PRIM2: variants seen among roughly 807,000 people sequenced by gnomAD.
PRIM2 encodes the protein DNA primase subunit 2, also known as DNA primase large subunit.
In PRIM2, 39 loss-of-function variants were observed where a neutral mutation model predicts 67.3. The observed-to-expected ratio is 0.58, with a 90% CI of 0.45 to 0.76. The LOEUF (loss-of-function observed/expected upper bound fraction) is 0.76, where lower values mean the gene tolerates loss of function less well. Among genes scored for constraint, PRIM2 ranks in the 30% least tolerant of loss-of-function variants. The pLI, the probability that PRIM2 is intolerant of heterozygous loss-of-function variation, is 0.00. For synonymous variants in PRIM2, 143 were observed against 198.7 expected, an observed-to-expected ratio of 0.72 and a Z score of 2.36; for missense variants, 398 against 598.7, an observed-to-expected ratio of 0.66 and a Z score of 3.50.
At chr6:57,438,960 C>A (rs761261960) in intron 7 of PRIM2, among the ~76,000 whole-genome samples, 4 of 152,000 alleles carry the variant, frequency 2.6e-5, no homozygotes, top group African/African-American at 9.7e-5. Flanking sequence ...CTGCTCACCT[C>A]GGCCTCCCAA....
the PRIM2 span, among the ~76,000 whole-genome samples, chr6:57,237,171 A>T: frequency 0.011 from 1,721 of 151,972 alleles, 36 homozygotes; most frequent in African/African-American, 0.039. Flanking sequence ...GCCAGTGATG[A>T]TGAGCATTTT....
At chr6:57,399,193 C>T (rs1357033742) in intron 7 of PRIM2, among the ~76,000 whole-genome samples, 1 of 152,066 alleles carries the variant, frequency 6.6e-6, no homozygotes, top group East Asian at 1.9e-4. Context: ...CTCCTCCATC[C>T]CCTGACCCCA....
At chr6:57,543,729 T>TA (rs1775227190) in intron 10 of PRIM2, among the ~76,000 whole-genome samples, 1 of 152,206 alleles carries the variant, frequency 6.6e-6, no homozygotes, top group South Asian at 2.1e-4. Context: ...CATCTTTACT[T>TA]ACCTGTGCCT....
At chr6:57,548,090 AC>A (rs1394930896) in intron 10 of PRIM2, among the ~76,000 whole-genome samples, 1 of 152,136 alleles carries the variant, frequency 6.6e-6, no homozygotes, top group Non-Finnish European at 1.5e-5. Context: ...TTTAACTACT[AC>A]CCTGTCATAG....
chr6:57,445,497 A>T (rs974055941), intron 7 of PRIM2, among the ~76,000 whole-genome samples: 2 of 152,104 alleles, frequency 1.3e-5, no homozygotes, highest in African/African-American at 4.8e-5. Flanking sequence ...TTACACTGCT[A>T]TCTTCATTGT....
At chr6:57,441,091 C>T (rs1268100091) in intron 7 of PRIM2, among the ~76,000 whole-genome samples, 10 of 152,132 alleles carry the variant, frequency 6.6e-5, no homozygotes, top group Non-Finnish European at 1.2e-4. Context: ...GAGTCAGTGA[C>T]GTTGTGCTGA....
chr6:57,471,503 G>T (rs1257551119), intron 7 of PRIM2, among the ~76,000 whole-genome samples: 3 of 152,154 alleles, frequency 2.0e-5, no homozygotes, highest in Non-Finnish European at 2.9e-5. Context: ...GTGAGGAAAG[G>T]AAGGTTAGAA....
the PRIM2 span, among the ~76,000 whole-genome samples, chr6:57,272,405 T>C: frequency 6.6e-6 from 1 of 152,222 alleles, no homozygotes; most frequent in African/African-American, 2.4e-5. Context: ...TCTTTTGATC[T>C]TTGATGGTTT....
chr6:57,460,852 A>T (rs796072784), intron 7 of PRIM2, among the ~76,000 whole-genome samples: 18 of 152,322 alleles, frequency 1.2e-4, no homozygotes, highest in African/African-American at 4.3e-4. Context: ...TCTTATTCTA[A>T]ATTTTACCTG....
At chr6:57,363,270 A>G (rs928239299) in intron 5 of PRIM2, among the ~76,000 whole-genome samples, 9 of 152,176 alleles carry the variant, frequency 5.9e-5, no homozygotes, top group Non-Finnish European at 1.2e-4. Context: ...CCTTGGGTCT[A>G]CTCATCTACT....
chr6:57,641,601 C>T (rs1777234904), intron 13 of PRIM2, among the ~76,000 whole-genome samples: 1 of 152,168 alleles, frequency 6.6e-6, no homozygotes. Context: ...CAAAAGAAGA[C>T]ATTTATGTGG....
chr6:57,414,874 TA>T (rs1358573392), intron 7 of PRIM2, among the ~76,000 whole-genome samples: 1 of 152,186 alleles, frequency 6.6e-6, no homozygotes, highest in African/African-American at 2.4e-5. Flanking sequence ...TTCCCCTTAA[TA>T]CTTGTGTTGC....
chr6:57,297,024 T>C, the PRIM2 span, among the ~76,000 whole-genome samples: 1 of 152,166 alleles, frequency 6.6e-6, no homozygotes, highest in East Asian at 1.9e-4. Context: ...ATAAAATAAG[T>C]TTCCATGAGT....
In PRIM2 at chr6:57,639,968, C is replaced by T. The variant is rs1176513174; in HGVS notation, c.1300-5960C>T. Among the ~76,000 whole-genome samples the T allele has an allele frequency of 5.8e-3, 883 of 151,980 alleles. 8 individuals carry two copies. The highest frequency in any genetic ancestry group is 0.02 in the African/African-American group (822 of 41,428). ...TCTGGCCAATATCCCTGGTGAACAT[C>T]GATGCAAAAAATCCTCAATAAAATA... is the stretch of plus-strand genomic sequence containing the variant. On this transcript the variant is annotated intron_variant, in intron 13 of 13. Transcript: ENST00000615550.
chr6:57,511,483 A>T (rs1315691159), intron 8 of PRIM2, among the ~76,000 whole-genome samples: 7 of 152,098 alleles, frequency 4.6e-5, no homozygotes, highest in African/African-American at 1.7e-4. Context: ...TTTCTATCAG[A>T]ATTAAATACA....
In PRIM2 at chr6:57,320,318, ATGTCGT is replaced by A. The variant is rs1767610458; in HGVS notation, c.155-137_155-132del. On this transcript the variant is annotated intron_variant, in intron 2 of 13. Coordinates refer to ENST00000615550, the MANE Select transcript of PRIM2 (RefSeq NM_000947.5). ...CTTATAAGCATATGTAGTTTATATG[ATGTCGT>A]TACAGGAAATAAACTGGCAATTACC... is the stretch of plus-strand genomic sequence containing the variant. 1.1e-4 allele frequency: 60 copies of A among 567,352 alleles called. No homozygotes were observed. The South Asian group carries it at 1.3e-3, about 13-fold the overall frequency. 35.1% of individuals were successfully genotyped at this position (567,352 alleles called of 1,614,324 possible).
intron 5 of PRIM2, among the ~76,000 whole-genome samples, chr6:57,362,056 C>T (rs1769218041): frequency 6.6e-6 from 1 of 152,056 alleles, no homozygotes; most frequent in South Asian, 2.1e-4. Flanking sequence ...CTTTAAATGT[C>T]TGAATAATTT....
intron 11 of PRIM2, among the ~76,000 whole-genome samples, chr6:57,601,963 T>C (rs1392389495): frequency 2.0e-5 from 3 of 152,082 alleles, no homozygotes; most frequent in African/African-American, 4.8e-5. Flanking sequence ...ACCAAATCAT[T>C]AAAAAATGCC....
At chr6:57,273,883 A>G in the PRIM2 span, among the ~76,000 whole-genome samples, 2 of 152,274 alleles carry the variant, frequency 1.3e-5, no homozygotes, top group Admixed American at 6.5e-5. Context: ...GGCGTTTGCT[A>G]GAGGTCCACT....
Sources: allele counts gnomAD v4.1 joint callset (sites outside exome capture counted in the v4.1 genomes callset), GRCh38; gene constraint gnomAD v4.1.1; transcripts MANE v1.5; gene names NCBI Gene and HGNC (gene_info 2026-07-23, HGNC 2026-07-21).